Variants in NTNG1 observed in about 807,000 individuals in gnomAD.
NTNG1 encodes netrin G1.
NTNG1 carries 16 observed loss-of-function variants against 54.0 expected under a neutral mutation model. The observed-to-expected ratio is 0.30, with a 90% CI of 0.20 to 0.45. The LOEUF is 0.45. NTNG1 is among the 20% of genes least tolerant of loss of function. The pLI, the probability that NTNG1 is intolerant of heterozygous loss-of-function variation, is 1.00. For synonymous variants in NTNG1, 255 were observed against 263.1 expected, an observed-to-expected ratio of 0.97 and a Z score of 0.30; for missense variants, 530 against 678.7, an observed-to-expected ratio of 0.78 and a Z score of 2.43.
At chr1:107,480,469 G>A in intron 7 of NTNG1, 142 bp from the exon 8 acceptor site, 2 of 600,838 alleles carry the variant, frequency 3.3e-6, no homozygotes, top group South Asian at 4.4e-5. Flanking sequence ...CACGGGCTTC[G>A]TTTGTGGAGG....
intron 3 of NTNG1, among the ~76,000 whole-genome samples, chr1:107,368,529 C>CTG (rs1460364792): frequency 6.6e-6 from 1 of 152,208 alleles, no homozygotes; most frequent in African/African-American, 2.4e-5. Context: ...TCTAAGTTGA[C>CTG]TGTGATTCAC....
chr1:107,247,714 A>C (rs1662296409), intron 2 of NTNG1, among the ~76,000 whole-genome samples: 1 of 152,198 alleles, frequency 6.6e-6, no homozygotes, highest in Non-Finnish European at 1.5e-5. Flanking sequence ...GATCTCATTT[A>C]CTCCTAACAA....
intron 2 of NTNG1, among the ~76,000 whole-genome samples, chr1:107,171,580 A>T (rs1309188768): frequency 1.3e-5 from 2 of 152,174 alleles, no homozygotes; most frequent in African/African-American, 4.8e-5. Flanking sequence ...GTGTGCCAGC[A>T]GGAGACTTAG....
chr1:107,160,496 T>C (rs753637968), intron 2 of NTNG1, among the ~76,000 whole-genome samples: 19 of 152,120 alleles, frequency 1.2e-4, no homozygotes, highest in Non-Finnish European at 2.4e-4. Context: ...ACTATCAACA[T>C]CATTTATATA....
intron 2 of NTNG1, among the ~76,000 whole-genome samples, chr1:107,173,577 G>A (rs542692541): frequency 6.6e-6 from 1 of 152,206 alleles, no homozygotes; most frequent in East Asian, 1.9e-4. Flanking sequence ...TAGAAGTGAA[G>A]GTTTTACAGC....
chr1:107,480,483 G>C (rs566890139), intron 7 of NTNG1, 128 bp from the exon 8 acceptor site: 3 of 622,524 alleles, frequency 4.8e-6, no homozygotes, highest in African/African-American at 3.7e-5. Context: ...GTGGAGGGGA[G>C]GGGGGAGCAC....
intron 1 of NTNG1, among the ~76,000 whole-genome samples, chr1:107,146,178 T>A (rs1654096462): frequency 6.6e-6 from 1 of 152,050 alleles, no homozygotes; most frequent in Non-Finnish European, 1.5e-5. Context: ...CTCAAAACAG[T>A]CAATTCCGGG....
At chr1:107,171,686 T>C (rs1656249086) in intron 2 of NTNG1, among the ~76,000 whole-genome samples, 1 of 152,114 alleles carries the variant, frequency 6.6e-6, no homozygotes, top group Non-Finnish European at 1.5e-5. Flanking sequence ...CATTTATCGC[T>C]CTAAAATCCA....
chr1:107,185,441 C>T (rs1657380675), intron 2 of NTNG1, among the ~76,000 whole-genome samples: 1 of 145,970 alleles, frequency 6.9e-6, no homozygotes, highest in Admixed American at 6.6e-5. Context: ...CTTCTTCACT[C>T]TGTGTGTGTC....
chr1:107,328,167 G>A lies in NTNG1; in HGVS notation c.887+3245G>A, dbSNP rs373278174. Among the ~76,000 whole-genome samples, 68 of 152,156 alleles carry A rather than the reference G, an allele frequency of 4.5e-4. 2 individuals carry two copies. The South Asian group carries it at 0.012, about 28-fold the overall frequency. On this transcript the variant is annotated intron_variant, in intron 3 of 7. Transcript: ENST00000370068. ...GGCTGTTGGCAATTTCAGCAGCTCC[G>A]TAGTACTTACATTGTTCAATAAACT... is the stretch of plus-strand genomic sequence containing the variant.
intron 2 of NTNG1, among the ~76,000 whole-genome samples, chr1:107,315,699 A>G (rs1436935226): frequency 6.6e-6 from 1 of 152,128 alleles, no homozygotes; most frequent in Non-Finnish European, 1.5e-5. Flanking sequence ...TTTTTCCTTC[A>G]TAGAACTCTG....
intron 2 of NTNG1, among the ~76,000 whole-genome samples, chr1:107,268,065 C>T (rs1663872778): frequency 6.6e-6 from 1 of 152,188 alleles, no homozygotes; most frequent in Non-Finnish European, 1.5e-5. Context: ...CTCCTTTTCT[C>T]CTACATTATC....
At chr1:107,274,316 C>T (rs1018918957) in intron 2 of NTNG1, among the ~76,000 whole-genome samples, 4 of 152,274 alleles carry the variant, frequency 2.6e-5, no homozygotes, top group South Asian at 2.1e-4. Flanking sequence ...GAAATGAAAT[C>T]GCTAGGAATT....
intron 2 of NTNG1, among the ~76,000 whole-genome samples, chr1:107,317,992 C>A (rs1319089045): frequency 6.6e-6 from 1 of 152,174 alleles, no homozygotes; most frequent in Non-Finnish European, 1.5e-5. Flanking sequence ...CTGACAGATG[C>A]ATAGGTGCTT....
intron 1 of NTNG1, among the ~76,000 whole-genome samples, chr1:107,142,386 G>A (rs1487360085): frequency 1.3e-5 from 2 of 151,612 alleles, no homozygotes; most frequent in Non-Finnish European, 2.9e-5. Flanking sequence ...TTCCTAGCGG[G>A]GATTTTAAAG....
At chr1:107,280,603 C>CTT (rs201973865) in intron 2 of NTNG1, among the ~76,000 whole-genome samples, 180 of 133,864 alleles carry the variant, frequency 1.3e-3, no homozygotes, top group African/African-American at 4.5e-3. Flanking sequence ...GTTGGCATGG[C>CTT]TTTTTTTTTT....
chr1:107,209,749 G>A (rs1230939982), intron 2 of NTNG1, among the ~76,000 whole-genome samples: 1 of 152,144 alleles, frequency 6.6e-6, no homozygotes, highest in Non-Finnish European at 1.5e-5. Flanking sequence ...AAGCCTGTTT[G>A]TACAAGGAAG....
chr1:107,301,892 G>A (rs371525394), intron 2 of NTNG1, among the ~76,000 whole-genome samples: 6 of 152,168 alleles, frequency 3.9e-5, no homozygotes, highest in Non-Finnish European at 5.9e-5. Context: ...GAGGGAGAGC[G>A]TCTATATGGC....
At chr1:107,314,444 T>TAAATAAAA (rs1553224168) in intron 2 of NTNG1, among the ~76,000 whole-genome samples, 11 of 116,360 alleles carry the variant, frequency 9.5e-5, no homozygotes, top group African/African-American at 3.2e-4. Flanking sequence ...AATAAATAAA[T>TAAATAAAA]AAAAATGAGA....
Sources: gnomAD v4.1 joint callset for allele counts (sites outside exome capture counted in the v4.1 genomes callset) on GRCh38, gnomAD v4.1.1 for gene constraint, MANE v1.5 for transcripts, NCBI Gene and HGNC (gene_info 2026-07-23, HGNC 2026-07-21) for gene names.